ST6GALNAC2: variants seen among roughly 807,000 people sequenced by gnomAD.
ST6GALNAC2 encodes the protein alpha-N-acetylgalactosaminide alpha-2,6-sialyltransferase 2.
ST6GALNAC2 carries 42 observed loss-of-function variants against 38.7 expected under a neutral mutation model. The observed-to-expected ratio is 1.09, with a 90% confidence interval of 0.85 to 1.40. ST6GALNAC2 has a LOEUF of 1.40. Among genes scored for constraint, ST6GALNAC2 ranks in the 40% most tolerant of loss-of-function variants. The probability of loss-of-function intolerance (pLI) is 0.00; values close to 1 mark genes in which losing one functional copy is unlikely to be tolerated. For missense variants in ST6GALNAC2, 506 were observed against 481.7 expected, an observed-to-expected ratio of 1.05 and a Z score of -0.47; for synonymous variants, 233 against 209.0, an observed-to-expected ratio of 1.11 and a Z score of -0.99.
At chr17:76,578,922 C>G in intron 1 of ST6GALNAC2, 106 bp from the exon 2 acceptor site, 1 of 935,110 alleles carries the variant, frequency 1.1e-6, no homozygotes. Context: ...CAAAGTCTGT[C>G]TGTGCCCATC....
At chr17:76,572,140 C>T (rs986327523) in intron 5 of ST6GALNAC2, among the ~76,000 whole-genome samples, 3 of 152,172 alleles carry the variant, frequency 2.0e-5, no homozygotes, top group African/African-American at 2.4e-5. Context: ...AATGGGTACA[C>T]GGGTCCCACT....
At chr17:76,566,699 T>TAAA (rs55837742) in intron 8 of ST6GALNAC2, among the ~76,000 whole-genome samples, 17,815 of 146,270 alleles carry the variant, frequency 0.12, 1,256 homozygotes, top group Non-Finnish European at 0.17. Flanking sequence ...CTACAAAAAG[T>TAAA]AAAAAAAAAA....
At chr17:76,585,247 C>T (rs1187251252) in intron 1 of ST6GALNAC2, among the ~76,000 whole-genome samples, 1 of 152,184 alleles carries the variant, frequency 6.6e-6, no homozygotes, top group East Asian at 1.9e-4. Flanking sequence ...GGAGGGTCCC[C>T]GCGAAGTTGG....
chr17:76,572,692 T>C lies in ST6GALNAC2; in HGVS notation c.614A>G (p.Lys205Arg). 1 of 1,614,176 alleles carries C rather than the reference T, an allele frequency of 6.2e-7. No individual in the cohort carries two copies. Among genetic ancestry groups the C allele is most frequent in the Non-Finnish European group, 8.5e-7 (1 of 1,180,022 alleles). ...ATTCCAGTAGGAGACGAGGGAGTTC[T>C]TCATCGTGTTCACAGTGAAACCATA... ...SFYGFTVNTMKNSLVSYWNLG... is the reference protein window; with the variant it reads ...SFYGFTVNTMRNSLVSYWNLG... Residue 205 changes from lysine (K) to arginine (R), a missense_variant, in exon 5 of 9, where the codon AAG (lysine) becomes AGG (arginine). Coordinates refer to ENST00000225276, the MANE Select transcript of ST6GALNAC2 (RefSeq NM_006456.3).
intron 6 of ST6GALNAC2, chr17:76,569,687 G>C (rs1446372692): frequency 1.3e-5 from 5 of 398,244 alleles, no homozygotes; most frequent in Non-Finnish European, 2.2e-5. Flanking sequence ...ATGTCTCTGA[G>C]GCAGCCCCTA....
At chr17:76,576,247 A>G (rs1157665862) in intron 2 of ST6GALNAC2, among the ~76,000 whole-genome samples, 2 of 152,332 alleles carry the variant, frequency 1.3e-5, no homozygotes, top group East Asian at 3.9e-4. Context: ...CATCTCAAAA[A>G]CAAAACAAAA....
chr17:76,583,933 G>A (rs1214129543), intron 1 of ST6GALNAC2, among the ~76,000 whole-genome samples: 1 of 145,188 alleles, frequency 6.9e-6, no homozygotes, highest in Non-Finnish European at 1.5e-5. Flanking sequence ...TCAGCCTCCC[G>A]AGTAGCTGGG....
At chr17:76,580,719 C>CAAAA (rs113839089) in intron 1 of ST6GALNAC2, among the ~76,000 whole-genome samples, 1 of 110,532 alleles carries the variant, frequency 9.0e-6, no homozygotes, top group African/African-American at 2.7e-5. Context: ...GACTCCATCT[C>CAAAA]AAAAAAAAAA....
intron 2 of ST6GALNAC2, among the ~76,000 whole-genome samples, chr17:76,577,426 G>A (rs1291477148): frequency 6.6e-6 from 1 of 152,054 alleles, no homozygotes; most frequent in African/African-American, 2.4e-5. Flanking sequence ...TTTAGACCAG[G>A]TGGGGACATA....
At chr17:76,576,323 C>T (rs776456426) in intron 2 of ST6GALNAC2, among the ~76,000 whole-genome samples, 34 of 152,136 alleles carry the variant, frequency 2.2e-4, no homozygotes, top group Non-Finnish European at 4.1e-4. Flanking sequence ...AACACTGAAA[C>T]GCTGTCAGGA....
intron 1 of ST6GALNAC2, among the ~76,000 whole-genome samples, chr17:76,582,328 A>G (rs2143321390): frequency 9.4e-6 from 1 of 106,130 alleles, no homozygotes; most frequent in East Asian, 2.7e-4. Flanking sequence ...ATGTGTCACC[A>G]TGCCTGGCTA....
chr17:76,585,624 G>A, intron 1 of ST6GALNAC2, 60 bp downstream of exon 1: 3 of 1,458,508 alleles, frequency 2.1e-6, no homozygotes, highest in South Asian at 1.3e-5. Flanking sequence ...CTGGGCTGGG[G>A]ACCCTCCCCG....
chr17:76,567,391 C>T (rs1598241598), intron 8 of ST6GALNAC2, 62 bp downstream of exon 8: 1 of 1,195,762 alleles, frequency 8.4e-7, no homozygotes, highest in South Asian at 1.2e-5. Context: ...TCAGGGGATC[C>T]TGTTGGGTTC....
At chr17:76,574,675 AT>A (rs911717656) in intron 2 of ST6GALNAC2, 136 bp from the exon 3 acceptor site, 10,508 of 519,062 alleles carry the variant, frequency 0.02, 25 homozygotes, top group African/African-American at 0.042. Flanking sequence ...CCATCCTTGC[AT>A]TTTTTTTTTT....
chr17:76,581,190 G>A (rs2075470780), intron 1 of ST6GALNAC2: 1 of 152,284 alleles, frequency 6.6e-6, no homozygotes, highest in East Asian at 1.9e-4. Context: ...AGAAAGAGCA[G>A]AGTTGATCCC....
At chr17:76,584,256 G>A (rs191077654) in intron 1 of ST6GALNAC2, among the ~76,000 whole-genome samples, 48 of 146,926 alleles carry the variant, frequency 3.3e-4, no homozygotes, top group African/African-American at 1.1e-3. Flanking sequence ...GCAGTGGCGC[G>A]ATCACAGCTC....
chr17:76,575,491 A>G (rs1270624098), intron 2 of ST6GALNAC2, among the ~76,000 whole-genome samples: 1 of 152,154 alleles, frequency 6.6e-6, no homozygotes, highest in South Asian at 2.1e-4. Flanking sequence ...TGTGCGATGC[A>G]CCATAAGCCA....
intron 1 of ST6GALNAC2, 139 bp downstream of exon 1, chr17:76,585,545 C>G (rs1425481846): frequency 2.9e-6 from 3 of 1,026,020 alleles, no homozygotes; most frequent in Non-Finnish European, 1.3e-6. Flanking sequence ...CGGCCGAGTC[C>G]TCGCTGAGAG....
At chr17:76,582,153 C>CCG (rs1338763973) in intron 1 of ST6GALNAC2, among the ~76,000 whole-genome samples, 1 of 146,838 alleles carries the variant, frequency 6.8e-6, no homozygotes, top group Non-Finnish European at 1.5e-5. Flanking sequence ...GCGTGAGCCA[C>CCG]CGTGCCCAGC....
Sources: gnomAD v4.1 joint callset for allele counts (sites outside exome capture counted in the v4.1 genomes callset) on GRCh38, gnomAD v4.1.1 for gene constraint, MANE v1.5 for transcripts, NCBI Gene and HGNC (gene_info 2026-07-23, HGNC 2026-07-21) for gene names.